The following TBC1D30 variants were observed in gnomAD, a reference collection of about 807,000 sequenced individuals.
TBC1D30 encodes the protein TBC1 domain family member 30, also known as TBC1 domain family, member 30.
A neutral mutation model predicts 63.2 loss-of-function variants in TBC1D30; 31 were observed. The ratio of observed to expected loss-of-function variants is 0.49; its 90% confidence interval spans 0.37 to 0.66. The LOEUF (loss-of-function observed/expected upper bound fraction) is 0.66, where lower values mean the gene tolerates loss of function less well. TBC1D30 is among the 30% of genes least tolerant of loss of function. The probability of loss-of-function intolerance (pLI) is 0.00; values close to 1 mark genes in which losing one functional copy is unlikely to be tolerated. For missense variants in TBC1D30, 810 were observed against 953.6 expected, an observed-to-expected ratio of 0.85 and a Z score of 1.98; for synonymous variants, 307 against 361.5, an observed-to-expected ratio of 0.85 and a Z score of 1.71.
chr12:64,781,432 G>A (rs902446964), intron 1 of TBC1D30: 12 of 851,712 alleles, frequency 1.4e-5, no homozygotes, highest in Non-Finnish European at 1.7e-5. Flanking sequence ...TACCCACCGT[G>A]GCACAGATTT....
intron 1 of TBC1D30, among the ~76,000 whole-genome samples, chr12:64,785,675 C>T (rs1366387578): frequency 2.0e-5 from 3 of 152,280 alleles, no homozygotes; most frequent in Non-Finnish European, 2.9e-5. Context: ...ATTTACCTTA[C>T]AGTATCTGTC....
upstream of TBC1D30, among the ~76,000 whole-genome samples, chr12:64,777,232 A>C (rs12309371): frequency 4.1e-3 from 629 of 152,264 alleles, 3 homozygotes; most frequent in African/African-American, 0.014. Flanking sequence ...GCTCCTATTC[A>C]ACATAGTATT....
intron 11 of TBC1D30, among the ~76,000 whole-genome samples, chr12:64,874,114 A>G (rs886782660): frequency 2.0e-5 from 3 of 152,146 alleles, no homozygotes; most frequent in African/African-American, 7.2e-5. Flanking sequence ...TTTGAGAAGG[A>G]GTCTCACTGT....
chr12:64,818,046 G>A (rs1342931379), intron 2 of TBC1D30, among the ~76,000 whole-genome samples: 14 of 137,726 alleles, frequency 1.0e-4, no homozygotes, highest in Admixed American at 9.7e-4. Context: ...CTGGGCAACA[G>A]AGTGAGACTC....
chr12:64,764,483 G>C (rs1267909115), intron 1 of TBC1D30, among the ~76,000 whole-genome samples: 1 of 152,150 alleles, frequency 6.6e-6, no homozygotes, highest in African/African-American at 2.4e-5. Context: ...AACAGTGCCA[G>C]ACTAATTCTC....
At chr12:64,803,051 A>T (rs1444914476) in intron 2 of TBC1D30, among the ~76,000 whole-genome samples, 2 of 152,214 alleles carry the variant, frequency 1.3e-5, no homozygotes, top group Non-Finnish European at 2.9e-5. Context: ...TTCTAGTTCT[A>T]GATCCTTGAG....
At chr12:64,862,396 A>T (rs571118990) in intron 8 of TBC1D30, among the ~76,000 whole-genome samples, 2 of 152,358 alleles carry the variant, frequency 1.3e-5, no homozygotes, top group South Asian at 4.1e-4. Context: ...AAAGTCAGTG[A>T]CAGAGAAAGG....
In TBC1D30 at chr12:64,788,762, G is replaced by C. The variant is rs1036535438; in HGVS notation, c.643+2717G>C. On this transcript the variant is annotated intron_variant, in intron 2 of 12. Coordinates refer to the TBC1D30 transcript ENST00000542120. The stretch of plus-strand genomic sequence containing the variant: ...GGGTTGTCTGGCACCTTTCCTGAGA[G>C]TTCAATTCTCTCTTTGCTAATAAGA... Among the ~76,000 whole-genome samples, 4 of 152,084 alleles carry C rather than the reference G, an allele frequency of 2.6e-5. No individual in the cohort carries two copies. The East Asian group carries it at 7.7e-4, about 29-fold the overall frequency.
chr12:64,765,731 C>G (rs1024753192), intron 1 of TBC1D30, among the ~76,000 whole-genome samples: 1 of 150,932 alleles, frequency 6.6e-6, no homozygotes, highest in Admixed American at 6.6e-5. Flanking sequence ...CACAGTGGCA[C>G]ACACTTGTAA....
intron 2 of TBC1D30, among the ~76,000 whole-genome samples, chr12:64,796,413 A>C (rs1364430076): frequency 6.6e-6 from 1 of 152,146 alleles, no homozygotes; most frequent in East Asian, 1.9e-4. Flanking sequence ...AGAAAACTAT[A>C]TATACAGCCA....
intron 1 of TBC1D30, among the ~76,000 whole-genome samples, chr12:64,765,965 T>C (rs2136271565): frequency 6.6e-6 from 1 of 152,214 alleles, no homozygotes; most frequent in Middle Eastern, 3.4e-3. Flanking sequence ...TGAGCCATGA[T>C]TGTGCCACTG....
intron 1 of TBC1D30, among the ~76,000 whole-genome samples, chr12:64,784,271 A>G (rs1428927089): frequency 6.6e-6 from 1 of 152,040 alleles, no homozygotes; most frequent in East Asian, 1.9e-4. Context: ...CTTGGAGCAC[A>G]CTTCCTTGCC....
rs1879367828 is a variant in TBC1D30, at chr12:64,880,163, T to C, written c.*4375T>C. 1 of 152,260 alleles carries C rather than the reference T, an allele frequency of 6.6e-6. No homozygotes were observed. The highest frequency in any genetic ancestry group is 2.1e-4 in the South Asian group (1 of 4,822). 9.4% of individuals were successfully genotyped at this position (152,260 alleles called of 1,614,324 possible). On this transcript the variant is annotated 3_prime_UTR_variant, in exon 12 of 12. Coordinates refer to ENST00000539867, the MANE Select transcript of TBC1D30 (RefSeq NM_015279.2). The stretch of plus-strand genomic sequence containing the variant: ...TCATAGAGCCACCAGGATACAGTGA[T>C]GGATGGGAGGCCTTTGCTGGACAGT...
chr12:64,814,487 T>A (rs1372399657), intron 2 of TBC1D30, among the ~76,000 whole-genome samples: 2 of 152,154 alleles, frequency 1.3e-5, no homozygotes, highest in Admixed American at 6.5e-5. Flanking sequence ...TTTGAATTTT[T>A]AAAAAATACA....
intron 10 of TBC1D30, among the ~76,000 whole-genome samples, chr12:64,869,426 A>C (rs1171913006): frequency 1.3e-5 from 2 of 152,180 alleles, no homozygotes; most frequent in Non-Finnish European, 2.9e-5. Context: ...TGTCTTTGGT[A>C]TGTGCTCTTC....
exon 1 of TBC1D30, chr12:64,780,938 C>T (rs1392215960): frequency 5.7e-6 from 6 of 1,055,614 alleles, no homozygotes; most frequent in African/African-American, 5.2e-5. Context: ...CCCAGCCCCG[C>T]GCCTCCGGGG....
chr12:64,830,472 T>C lies in TBC1D30; in HGVS notation c.378T>C (p.Asp126=), dbSNP rs79015227. 8,672 of 1,535,340 alleles carry C rather than the reference T, an allele frequency of 5.6e-3. 415 individuals carry two copies. The African/African-American group carries it at 0.11, about 19-fold the overall frequency. ...RFTFNERSNP[D]DDSMGIQIVK... is the part of the protein sequence containing the mutation. ...CTTTCAATGAAAGGAGTAATCCTGA[T>C]GATGACTCCATGGGAATTCAGATAG... The change falls in exon 4 of 12, where the codon GAT becomes GAC. Residue 126 remains aspartate (D), a synonymous_variant. Coordinates refer to ENST00000539867, the MANE Select transcript of TBC1D30 (RefSeq NM_015279.2).
intron 8 of TBC1D30, 72 bp downstream of exon 8, chr12:64,843,557 G>A (rs1876091787): frequency 8.7e-7 from 1 of 1,144,940 alleles, no homozygotes; most frequent in Admixed American, 2.1e-5. Context: ...TGCCAGAGCA[G>A]CGGTCTTGAG....
intron 1 of TBC1D30, among the ~76,000 whole-genome samples, chr12:64,771,928 T>C (rs1470851976): frequency 6.6e-6 from 1 of 151,998 alleles, no homozygotes; most frequent in African/African-American, 2.4e-5. Flanking sequence ...AAGGGAGGTC[T>C]GGGGTTGTGG....
Sources: allele counts gnomAD v4.1 joint callset (sites outside exome capture counted in the v4.1 genomes callset), GRCh38; gene constraint gnomAD v4.1.1; transcripts MANE v1.5; gene names NCBI Gene and HGNC (gene_info 2026-07-23, HGNC 2026-07-21).